The following SLC39A10 variants were observed in gnomAD, a reference collection of about 807,000 sequenced individuals.
SLC39A10 encodes the protein zinc transporter ZIP10.
Under a neutral mutation model 65.1 loss-of-function variants are expected in SLC39A10, and 13 were observed. The ratio of observed to expected loss-of-function variants is 0.20; its 90% CI spans 0.13 to 0.32. The LOEUF (loss-of-function observed/expected upper bound fraction) is 0.32, where lower values mean the gene tolerates loss of function less well. Ranked by LOEUF, SLC39A10 falls within the 10% of genes least tolerant of loss-of-function variation. The probability of loss-of-function intolerance (pLI) is 1.00; values close to 1 mark genes in which losing one functional copy is unlikely to be tolerated. For missense variants in SLC39A10, 831 were observed against 1,018.4 expected (o/e 0.82, Z 2.50); for synonymous variants, 321 against 342.2 (o/e 0.94, Z 0.68).
At chr2:195,681,293 G>A (rs1690306222) in intron 2 of SLC39A10, among the ~76,000 whole-genome samples, 5 of 152,158 alleles carry the variant, frequency 3.3e-5, no homozygotes, top group Admixed American at 2.0e-4. Flanking sequence ...TTGGGAGGCC[G>A]AGGCGGGTAG....
chr2:195,616,980 T>C (rs1688229692), intron 2 of SLC39A10, among the ~76,000 whole-genome samples: 1 of 152,236 alleles, frequency 6.6e-6, no homozygotes, highest in Non-Finnish European at 1.5e-5. Context: ...TGTTAGTTGC[T>C]GGCCTATCAG....
At chr2:195,718,534 G>A (rs1054808734) in intron 8 of SLC39A10, among the ~76,000 whole-genome samples, 2 of 151,856 alleles carry the variant, frequency 1.3e-5, no homozygotes, top group Admixed American at 1.3e-4. Flanking sequence ...ATTTCTGTGT[G>A]GTTTCCTTTG....
At chr2:195,710,266 A>C (rs1691560681) in intron 5 of SLC39A10, among the ~76,000 whole-genome samples, 1 of 152,204 alleles carries the variant, frequency 6.6e-6, no homozygotes, top group Non-Finnish European at 1.5e-5. Flanking sequence ...TCTATCCTGA[A>C]TACATCTCAC....
Position 195,706,719 on chromosome 2 carries a change from T to TA in SLC39A10, c.1321dup (p.Thr441AsnfsTer28). The TA allele has an allele frequency of 6.2e-7, 1 of 1,607,046 alleles. No homozygotes were observed. The highest frequency in any genetic ancestry group is 8.5e-7 in the Non-Finnish European group (1 of 1,176,738). On this transcript the variant is annotated frameshift_variant, in exon 4 of 10. Transcript: ENST00000359634. LOFTEE classifies it high-confidence loss of function. ...ACCAAGGATGCTTCAAATTCCTTCTTACATTCCTTGTTGCATTAGCTGTAG... is the reference window on the plus strand; with the variant it reads ...ACCAAGGATGCTTCAAATTCCTTCTTAACATTCCTTGTTGCATTAGCTGTAG...
chr2:195,642,531 A>G (rs1181327379), intron 2 of SLC39A10, among the ~76,000 whole-genome samples: 1 of 152,230 alleles, frequency 6.6e-6, no homozygotes, highest in East Asian at 1.9e-4. Flanking sequence ...TAACATTTGC[A>G]TGTGAAACAG....
At chr2:195,710,701 C>G (rs933975619) in intron 5 of SLC39A10, among the ~76,000 whole-genome samples, 10 of 152,146 alleles carry the variant, frequency 6.6e-5, no homozygotes, top group Non-Finnish European at 1.2e-4. Flanking sequence ...AGGACATCAT[C>G]ACATTTGTTT....
At chr2:195,621,636 A>G (rs1171170820) in intron 2 of SLC39A10, among the ~76,000 whole-genome samples, 1 of 152,240 alleles carries the variant, frequency 6.6e-6, no homozygotes, top group Non-Finnish European at 1.5e-5. Flanking sequence ...AGAAGGTAGA[A>G]TTAGGGAGAA....
Position 195,736,704 on chromosome 2 carries a change from ATTAT to A in SLC39A10, c.*1666_*1669del. 1 of 152,422 alleles carries A rather than the reference ATTAT, an allele frequency of 6.6e-6. No homozygotes were observed. Among genetic ancestry groups the A allele is most frequent in the South Asian group, 2.1e-4 (1 of 4,826 alleles). The allele number at this position is 152,422 out of a possible 1,614,324, so 9.4% of individuals were successfully genotyped here. ...TTTAATTTATGCTTGAATCTGAAAA[ATTAT>A]TTCTGACTTACTCCATGGCCTCCTT... is the stretch of plus-strand genomic sequence containing the variant. On this transcript the variant is annotated 3_prime_UTR_variant, in exon 10 of 10. Transcript: ENST00000359634.
At position 195,728,140 on chromosome 2, in the gene SLC39A10, C is replaced by T; in HGVS notation, c.2147-19C>T. On this transcript the variant is annotated intron_variant, in intron 8 of 9. Coordinates refer to ENST00000359634, the MANE Select transcript of SLC39A10 (RefSeq NM_020342.3). This position sits in a 1 kb window ranked among gnomAD's most constrained non-coding sequence, Gnocchi z 4.4. ...AAATCCTGTGGTTTTAAAACATTCC[C>T]ATTGTTTCTTAATTGCAGGAGATTT... The T allele has an allele frequency of 3.1e-6, 5 of 1,589,580 alleles. No homozygotes were observed. Among genetic ancestry groups the T allele is most frequent in the Admixed American group, 1.7e-5 (1 of 58,926 alleles).
intron 2 of SLC39A10, among the ~76,000 whole-genome samples, chr2:195,646,644 C>T (rs1194993854): frequency 6.6e-6 from 1 of 150,912 alleles, no homozygotes; most frequent in Non-Finnish European, 1.5e-5. Context: ...CACCAACCCC[C>T]TACAGACCCG....
rs539877903 is a variant in SLC39A10 at position 195,636,366 on chromosome 2, G to C, written c.-12+30133G>C. Among the ~76,000 whole-genome samples, 37 of 152,256 alleles carry C rather than the reference G, an allele frequency of 2.4e-4. No homozygotes were observed. The South Asian group carries it at 7.1e-3, about 29-fold the overall frequency. On this transcript the variant is annotated intron_variant, in intron 2 of 2. Transcript: ENST00000458054. ...GGTTTATTTCCACATGAAATAGTAA[G>C]TATTTAAATTTTTTTTATTTTTAGT... is the stretch of plus-strand genomic sequence containing the variant.
At chr2:195,653,939 G>T (rs528574186), upstream of SLC39A10, among the ~76,000 whole-genome samples, 2 of 151,926 alleles carry the variant, frequency 1.3e-5, no homozygotes, top group Admixed American at 6.6e-5. Flanking sequence ...TCTTTTTTTT[G>T]TTTGTTTTGT....
chr2:195,690,301 C>A (rs572167026), intron 3 of SLC39A10, among the ~76,000 whole-genome samples: 7 of 151,502 alleles, frequency 4.6e-5, no homozygotes, highest in Non-Finnish European at 8.8e-5. Flanking sequence ...TGGGTTGCTT[C>A]CACAGTTTAG....
chr2:195,670,343 T>C (rs1013676503), intron 1 of SLC39A10: 2 of 152,108 alleles, frequency 1.3e-5, no homozygotes, highest in African/African-American at 2.4e-5. Context: ...TTATCTCACA[T>C]ACCATGTTTT....
rs1443290877 is a variant in SLC39A10, at chr2:195,683,882, G to A, written c.1192G>A (p.Asp398Asn). 6.2e-7 allele frequency: 1 copy of A among 1,612,392 alleles called. No individual in the cohort carries two copies. The highest frequency in any genetic ancestry group is 2.2e-5 in the East Asian group (1 of 44,776). ...TAAGGATAAAAACCTGGTTCCTGAA[G>A]ATGAGGCAAATATAGGGGCATCAGG... ...INKDKNLVPE[D>N]EANIGASAWI... The change falls in exon 3 of 10, where the codon GAT becomes AAT. Residue 398 changes from aspartate (D) to asparagine (N), a missense_variant. Asp to Asn is a conservative substitution (Grantham distance 23, BLOSUM62 1). Transcript: ENST00000359634.
Position 195,679,649 on chromosome 2 carries a change from TTCTC to T in SLC39A10, c.-11-379_-11-376del, listed in dbSNP as rs371019114. Among the ~76,000 whole-genome samples the T allele has an allele frequency of 2.6e-3, 397 of 152,318 alleles. 1 individual carries two copies. The highest frequency in any genetic ancestry group is 9.4e-3 in the African/African-American group (391 of 41,580). Reference sequence around the variant, plus strand: ...TGTCAATAATATTTCTCTCAATAATTTCTCTCTTTTCTATGTAAAGTTCTTGTAT... The same window carrying T: ...TGTCAATAATATTTCTCTCAATAATTTCTTTTCTATGTAAAGTTCTTGTAT... On this transcript the variant is annotated intron_variant, in intron 1 of 9. Coordinates refer to ENST00000359634, the MANE Select transcript of SLC39A10 (RefSeq NM_020342.3).
intron 3 of SLC39A10, among the ~76,000 whole-genome samples, chr2:195,686,377 A>G (rs1159513072): frequency 1.5e-4 from 23 of 152,142 alleles, no homozygotes; most frequent in Admixed American, 1.4e-3. Context: ...ATAATAACCT[A>G]TGCTCTCTAC....
In SLC39A10 at chr2:195,735,286, A is replaced by G. The variant is rs1692555212; in HGVS notation, c.*245A>G. On this transcript the variant is annotated 3_prime_UTR_variant, in exon 10 of 10. Transcript: ENST00000359634. ...TATGGGACTCCATGAACCAGTGTTG[A>G]TATGTTTGATTAAGACTTTTCACAA... is the stretch of plus-strand genomic sequence containing the variant. The G allele has an allele frequency of 6.3e-6, 2 of 315,222 alleles. No individual in the cohort carries two copies. The highest frequency in any genetic ancestry group is 1.1e-5 in the Non-Finnish European group (2 of 174,474). 19.5% of individuals were successfully genotyped at this position (315,222 alleles called of 1,614,324 possible).
chr2:195,680,976 G>C lies in SLC39A10; in HGVS notation c.934G>C (p.Glu312Gln). 6.2e-7 allele frequency: 1 copy of C among 1,614,022 alleles called. No individual in the cohort carries two copies. The highest frequency in any genetic ancestry group is 8.5e-7 in the Non-Finnish European group (1 of 1,180,002). ...EGELRHTRKR[E>Q]APHVKNNAII... ...TGAACTTCGACATACTAGAAAGAGA[G>C]AAGCACCACATGTTAAAAATAATGC... Residue 312 changes from glutamate to glutamine, a missense_variant, in exon 2 of 10, where the codon GAA becomes CAA. Glu to Gln is a conservative substitution (Grantham distance 29, BLOSUM62 2). Around this residue, in one of 4 missense-constraint regions of SLC39A10, gnomAD observed 446 missense variants for 499.2 expected, o/e 0.89. Coordinates refer to ENST00000359634, the MANE Select transcript of SLC39A10 (RefSeq NM_020342.3).
Sources: allele counts gnomAD v4.1 joint callset (sites outside exome capture counted in the v4.1 genomes callset), GRCh38; gene constraint gnomAD v4.1.1; regional missense constraint gnomAD v4.1.1; non-coding constraint Gnocchi (gnomAD v3.1); transcripts MANE v1.5; gene names NCBI Gene and HGNC (gene_info 2026-07-23, HGNC 2026-07-21).